Variants in MAP2 observed in about 807,000 individuals in gnomAD.
MAP2 encodes the protein microtubule associated protein 2, also known as microtubule-associated protein 2.
In MAP2, 14 loss-of-function variants were observed where a neutral mutation model predicts 137.6. The ratio of observed to expected loss-of-function variants is 0.10; its 90% CI spans 0.07 to 0.16. MAP2 has a LOEUF of 0.16. Among genes scored for constraint, MAP2 ranks in the 10% least tolerant of loss-of-function variants. The pLI is 1.00. For synonymous variants in MAP2, 786 were observed against 782.3 expected, an observed-to-expected ratio of 1.00 and a Z score of -0.08; for missense variants, 2,088 against 2,191.5, an observed-to-expected ratio of 0.95 and a Z score of 0.94.
chr2:209,540,630 CA>C (rs749183996), intron 2 of MAP2, among the ~76,000 whole-genome samples: 105 of 27,570 alleles, frequency 3.8e-3, no homozygotes, highest in East Asian at 0.022. Context: ...GACTCCGTCT[CA>C]AAAAAAAAAA....
intron 1 of MAP2, among the ~76,000 whole-genome samples, chr2:209,432,365 G>A (rs1037929511): frequency 4.6e-5 from 7 of 152,048 alleles, no homozygotes; most frequent in Non-Finnish European, 1.0e-4. Flanking sequence ...TTCCAAGACT[G>A]CATATTAAAT....
intron 3 of MAP2, among the ~76,000 whole-genome samples, chr2:209,619,596 C>T (rs1422135300): frequency 6.6e-6 from 1 of 151,760 alleles, no homozygotes; most frequent in Non-Finnish European, 1.5e-5. Flanking sequence ...TCAACGTTCC[C>T]TATATTACAG....
chr2:209,511,239 G>A (rs568785527), intron 2 of MAP2, among the ~76,000 whole-genome samples: 1 of 152,168 alleles, frequency 6.6e-6, no homozygotes, highest in Middle Eastern at 3.4e-3. Flanking sequence ...ATAACTTGTT[G>A]CTATTTTGTA....
intron 2 of MAP2, among the ~76,000 whole-genome samples, chr2:209,510,644 C>A (rs1287432469): frequency 6.6e-6 from 1 of 151,984 alleles, no homozygotes; most frequent in Non-Finnish European, 1.5e-5. Context: ...GTTTGATAAG[C>A]AAATGATGGA....
intron 1 of MAP2, among the ~76,000 whole-genome samples, chr2:209,475,335 A>G (rs575919100): frequency 6.6e-6 from 1 of 152,008 alleles, no homozygotes; most frequent in Non-Finnish European, 1.5e-5. Context: ...TCTTGTTTTT[A>G]TTTATTTAAG....
intron 1 of MAP2, among the ~76,000 whole-genome samples, chr2:209,449,942 T>C (rs1200099463): frequency 6.6e-6 from 1 of 152,190 alleles, no homozygotes; most frequent in African/African-American, 2.4e-5. Flanking sequence ...TTTTATTCTA[T>C]TTTATTTTAT....
chr2:209,508,682 C>A (rs288067), intron 2 of MAP2, among the ~76,000 whole-genome samples: 125,012 of 151,866 alleles, frequency 0.82, 52,536 homozygotes, highest in Non-Finnish European at 0.93. Flanking sequence ...AAATCTGTAT[C>A]GAATGAAGCA....
chr2:209,496,768 C>T (rs149713344), intron 1 of MAP2, among the ~76,000 whole-genome samples: 3 of 152,242 alleles, frequency 2.0e-5, no homozygotes, highest in East Asian at 3.9e-4. Flanking sequence ...CTTTCTTCAT[C>T]CTGTGCCTTT....
intron 3 of MAP2, among the ~76,000 whole-genome samples, chr2:209,617,345 AAG>A (rs777007592): frequency 2.3e-4 from 35 of 152,168 alleles, no homozygotes; most frequent in Admixed American, 8.5e-4. Flanking sequence ...AAGAGGCATC[AAG>A]TGTAGGTTGA....
At position 209,733,866 on chromosome 2, in the gene MAP2, C is replaced by A. The variant is rs1303973315; in HGVS notation, c.*3469C>A. 3 of 151,124 alleles carry A rather than the reference C, an allele frequency of 2.0e-5. No individual in the cohort carries two copies. In the East Asian group the frequency reaches 5.9e-4, roughly 30 times the overall value. The allele number at this position is 151,124 out of a possible 1,614,324, so 9.4% of individuals were successfully genotyped here. A position where few individuals can be genotyped will look rare whatever the true frequency, so the allele number is the denominator to read the frequency against. The stretch of plus-strand genomic sequence containing the variant: ...AAATGTCAATCATAAAAATCTACTT[C>A]AACTTTAGCAAAAAGAAAAAAAAAT... On this transcript the variant is annotated 3_prime_UTR_variant, in exon 16 of 16. Coordinates refer to ENST00000682079, the MANE Select transcript of MAP2 (RefSeq NM_001375505.1).
rs146653162 is a variant in MAP2, at chr2:209,440,656, G to A, written c.-222+16380G>A. Among the ~76,000 whole-genome samples, 935 of 151,408 alleles carry A rather than the reference G, an allele frequency of 6.2e-3. 11 individuals carry two copies. Among genetic ancestry groups the A allele is most frequent in the African/African-American group, 0.022 (905 of 41,452 alleles). On this transcript the variant is annotated intron_variant, in intron 1 of 15. Coordinates refer to ENST00000682079, the MANE Select transcript of MAP2 (RefSeq NM_001375505.1). ...AATAGTTGGAATGCTGGACAGGTAA[G>A]TTTTTTTTGTTTGTTTTAATTAGGG...
chr2:209,449,461 A>C (rs1342305227), intron 1 of MAP2, among the ~76,000 whole-genome samples: 3 of 152,138 alleles, frequency 2.0e-5, no homozygotes, highest in African/African-American at 7.2e-5. Flanking sequence ...AAACCTTTTC[A>C]TGACATACCT....
At chr2:209,444,108 G>T (rs1344391953) in intron 1 of MAP2, among the ~76,000 whole-genome samples, 1 of 151,528 alleles carries the variant, frequency 6.6e-6, no homozygotes, top group African/African-American at 2.4e-5. Context: ...ATATTGTTTT[G>T]CTCAGGTTAA....
chr2:209,690,822 T>A (rs1489072268), intron 7 of MAP2: 1 of 1,284,456 alleles, frequency 7.8e-7, no homozygotes, highest in East Asian at 5.6e-5. Context: ...TCTCCAGAAG[T>A]AAAAACCCCT....
chr2:209,555,573 G>A (rs2070373628), intron 2 of MAP2, among the ~76,000 whole-genome samples: 1 of 152,044 alleles, frequency 6.6e-6, no homozygotes. Flanking sequence ...TAATAAAGGG[G>A]CTTATCTATA....
At chr2:209,534,058 A>G (rs1402547714) in intron 2 of MAP2, among the ~76,000 whole-genome samples, 1 of 152,226 alleles carries the variant, frequency 6.6e-6, no homozygotes, top group East Asian at 1.9e-4. Context: ...AGGGCTATGC[A>G]AAATACCAAG....
chr2:209,594,709 A>G (rs980450108), intron 3 of MAP2, among the ~76,000 whole-genome samples: 6 of 152,170 alleles, frequency 3.9e-5, no homozygotes, highest in African/African-American at 1.4e-4. Context: ...TAATAACAGT[A>G]TATGTTTGCA....
At chr2:209,640,629 G>A (rs533283943) in intron 4 of MAP2, among the ~76,000 whole-genome samples, 5 of 152,044 alleles carry the variant, frequency 3.3e-5, no homozygotes, top group East Asian at 1.9e-4. Context: ...ATTTGAACAC[G>A]TTAGAGACAG....
chr2:209,518,376 C>A (rs989611233), intron 2 of MAP2, among the ~76,000 whole-genome samples: 3 of 151,934 alleles, frequency 2.0e-5, no homozygotes, highest in Admixed American at 6.6e-5. Context: ...TAAAAGGGAT[C>A]TTCAGCTGGG....
Sources: allele counts gnomAD v4.1 joint callset (sites outside exome capture counted in the v4.1 genomes callset), GRCh38; gene constraint gnomAD v4.1.1; transcripts MANE v1.5; gene names NCBI Gene and HGNC (gene_info 2026-07-23, HGNC 2026-07-21).